CPNE8: variants seen among roughly 807,000 people sequenced by gnomAD.
CPNE8 encodes the protein copine 8.
In CPNE8, 45 loss-of-function variants were observed where a neutral mutation model predicts 81.5. That is an observed-to-expected ratio of 0.55 (90% CI 0.44 to 0.71). CPNE8 has a LOEUF of 0.71. Ranked by LOEUF, CPNE8 falls within the 30% of genes least tolerant of loss-of-function variation. The pLI, the probability that CPNE8 is intolerant of heterozygous loss-of-function variation, is 0.00. For synonymous variants in CPNE8, 252 were observed against 226.3 expected, an observed-to-expected ratio of 1.11 and a Z score of -1.02; for missense variants, 594 against 672.1, an observed-to-expected ratio of 0.88 and a Z score of 1.28.
intron 15 of CPNE8, among the ~76,000 whole-genome samples, chr12:38,686,211 G>A (rs1939531898): frequency 6.6e-6 from 1 of 152,098 alleles, no homozygotes; most frequent in African/African-American, 2.4e-5. Flanking sequence ...TCCAAGTAGA[G>A]AAGGAGTCAG....
At chr12:38,682,214 T>G (rs1939425145) in intron 16 of CPNE8, among the ~76,000 whole-genome samples, 1 of 151,638 alleles carries the variant, frequency 6.6e-6, no homozygotes, top group Admixed American at 6.6e-5. Flanking sequence ...AGAGAGATTC[T>G]GTCTCAAAAC....
intron 13 of CPNE8, among the ~76,000 whole-genome samples, chr12:38,715,380 CT>C (rs376756584): frequency 3.9e-5 from 6 of 152,122 alleles, no homozygotes; most frequent in African/African-American, 1.4e-4. Context: ...ATTTTTCACC[CT>C]TTTGATGACG....
chr12:38,711,055 A>C (rs1175634441), intron 13 of CPNE8, among the ~76,000 whole-genome samples: 5 of 152,194 alleles, frequency 3.3e-5, no homozygotes, highest in Non-Finnish European at 7.3e-5. Context: ...ATAGATGATA[A>C]AATTTTGTTC....
At chr12:38,857,650 C>T (rs1207220634) in intron 3 of CPNE8, among the ~76,000 whole-genome samples, 3 of 152,156 alleles carry the variant, frequency 2.0e-5, no homozygotes, top group Non-Finnish European at 4.4e-5. Flanking sequence ...TAGTGGCTCA[C>T]GCCTGTAATC....
At chr12:38,847,291 A>G (rs1475386922) in intron 4 of CPNE8, among the ~76,000 whole-genome samples, 1 of 152,192 alleles carries the variant, frequency 6.6e-6, no homozygotes, top group East Asian at 1.9e-4. Context: ...GTTTTAACAT[A>G]AAGTTAAGTC....
chr12:38,795,171 C>G (rs1310178186), intron 6 of CPNE8, among the ~76,000 whole-genome samples: 2 of 152,194 alleles, frequency 1.3e-5, no homozygotes, highest in African/African-American at 4.8e-5. Context: ...CTACTAGCTT[C>G]CTTGCTCCTC....
intron 6 of CPNE8, among the ~76,000 whole-genome samples, chr12:38,809,062 A>C (rs1009745182): frequency 6.6e-6 from 1 of 152,180 alleles, no homozygotes; most frequent in South Asian, 2.1e-4. Context: ...TTTGGAAAAC[A>C]ATTTGGTTAC....
rs78596070 is a variant in CPNE8, at chr12:38,685,764, AT to A, written c.1144-148del. The A allele has an allele frequency of 5.8e-3, 3,699 of 642,714 alleles. 31 individuals carry two copies. Among genetic ancestry groups the A allele is most frequent in the East Asian group, 0.036 (1,203 of 33,254 alleles). 39.8% of individuals were successfully genotyped at this position (642,714 alleles called of 1,614,324 possible). A position where few individuals can be genotyped will look rare whatever the true frequency, so the allele number is the denominator to read the frequency against. On this transcript the variant is annotated intron_variant, in intron 15 of 19. Coordinates refer to ENST00000331366, the MANE Select transcript of CPNE8 (RefSeq NM_153634.3). Reference sequence around the variant, plus strand: ...TTCATAAATTTACAATAGCAAAAAAATAATACATTAAGTAAGTGATCAACAA... The same window carrying A: ...TTCATAAATTTACAATAGCAAAAAAAAATACATTAAGTAAGTGATCAACAA...
At chr12:38,666,568 C>T (rs1427909108) in intron 19 of CPNE8, among the ~76,000 whole-genome samples, 5 of 151,944 alleles carry the variant, frequency 3.3e-5, no homozygotes, top group African/African-American at 1.2e-4. Flanking sequence ...TTTCGATCAG[C>T]ACAGATGAGG....
chr12:38,814,276 A>G (rs1942985809), intron 6 of CPNE8, among the ~76,000 whole-genome samples: 1 of 151,840 alleles, frequency 6.6e-6, no homozygotes, highest in Non-Finnish European at 1.5e-5. Flanking sequence ...TGAGATTAAA[A>G]AAACTGAAGA....
intron 6 of CPNE8, among the ~76,000 whole-genome samples, chr12:38,797,985 G>C (rs983446289): frequency 3.3e-5 from 5 of 152,030 alleles, no homozygotes; most frequent in Non-Finnish European, 7.3e-5. Context: ...GAAGCGAGAA[G>C]GGAAGTTTAG....
chr12:38,740,308 T>C (rs189348807), intron 10 of CPNE8, among the ~76,000 whole-genome samples: 40 of 152,314 alleles, frequency 2.6e-4, no homozygotes, highest in Admixed American at 6.5e-4. Context: ...GTTAAGACGA[T>C]GAGGTTTTCT....
At chr12:38,842,780 G>T (rs1233186294) in intron 4 of CPNE8, among the ~76,000 whole-genome samples, 1 of 151,886 alleles carries the variant, frequency 6.6e-6, no homozygotes, top group Non-Finnish European at 1.5e-5. Flanking sequence ...GTTTCACCAT[G>T]TTGGCCAGGC....
chr12:38,677,766 A>G (rs555411751), intron 16 of CPNE8, among the ~76,000 whole-genome samples: 1 of 152,070 alleles, frequency 6.6e-6, no homozygotes, highest in South Asian at 2.1e-4. Context: ...ACACAGAAAT[A>G]TCTAGTTGCC....
rs1358745460 is a variant in CPNE8, at chr12:38,806,115, C to T, written c.407+23264G>A. The stretch of plus-strand genomic sequence containing the variant: ...CTGAAATTGTGGCAATAATCAATAG[C>T]TTACCAACTAAAAAGAGTCCAGGAC... On this transcript the variant is annotated intron_variant, in intron 6 of 19. Coordinates refer to ENST00000331366, the MANE Select transcript of CPNE8 (RefSeq NM_153634.3). Among the ~76,000 whole-genome samples the T allele has an allele frequency of 5.3e-5, 8 of 150,230 alleles. 1 individual carries two copies. The highest frequency in any genetic ancestry group is 2.2e-4 in the East Asian group (1 of 4,558).
intron 1 of CPNE8, among the ~76,000 whole-genome samples, chr12:38,899,070 A>G (rs1944425178): frequency 3.3e-5 from 5 of 152,228 alleles, no homozygotes; most frequent in African/African-American, 1.2e-4. Context: ...AAAATCATAC[A>G]ACCCCACTTA....
At chr12:38,769,582 G>A (rs1941758991) in intron 7 of CPNE8, among the ~76,000 whole-genome samples, 1 of 151,952 alleles carries the variant, frequency 6.6e-6, no homozygotes, top group South Asian at 2.1e-4. Context: ...TAAGAACATG[G>A]GGACATTCCA....
intron 7 of CPNE8, among the ~76,000 whole-genome samples, chr12:38,770,470 C>G (rs1191047356): frequency 1.3e-5 from 2 of 152,230 alleles, no homozygotes; most frequent in African/African-American, 4.8e-5. Context: ...CACTTCGACT[C>G]TTTGATGTAT....
intron 14 of CPNE8, among the ~76,000 whole-genome samples, chr12:38,695,107 A>G (rs926434042): frequency 9.8e-5 from 15 of 152,316 alleles, no homozygotes; most frequent in African/African-American, 3.6e-4. Context: ...CTAAACTTGT[A>G]GAAAGTTCCT....
Sources: gnomAD v4.1 joint callset for allele counts (sites outside exome capture counted in the v4.1 genomes callset) on GRCh38, gnomAD v4.1.1 for gene constraint, MANE v1.5 for transcripts, NCBI Gene and HGNC (gene_info 2026-07-23, HGNC 2026-07-21) for gene names.